The following RPL19 variants were observed in gnomAD, a reference collection of about 807,000 sequenced individuals.
RPL19 encodes ribosomal protein L19.
In RPL19, 2 loss-of-function variants were observed where a neutral mutation model predicts 25.1. The ratio of observed to expected loss-of-function variants is 0.08; its 90% confidence interval spans 0.03 to 0.25. The LOEUF is 0.25. RPL19 is among the 10% of genes least tolerant of loss of function. RPL19 has a pLI of 1.00. For synonymous variants in RPL19, 89 were observed against 91.2 expected, an observed-to-expected ratio of 0.98 and a Z score of 0.14; for missense variants, 123 against 271.8, an observed-to-expected ratio of 0.45 and a Z score of 3.85.
rs753636117 is a variant in RPL19, at chr17:39,202,413, G to A, written c.209G>A (p.Arg70His). The A allele has an allele frequency of 4.5e-5, 72 of 1,614,074 alleles. No individual in the cohort carries two copies. Among genetic ancestry groups the A allele is most frequent in the Non-Finnish European group, 5.8e-5 (69 of 1,180,026 alleles). The change falls in exon 3 of 6, where the codon CGC becomes CAC. Residue 70 changes from arginine (R) to histidine (H), a missense_variant. Coordinates refer to ENST00000225430, the MANE Select transcript of RPL19 (RefSeq NM_000981.4). ...RARCRKNTLA[R>H]RKGRHMGIGK... Reference sequence around the variant, plus strand: ...CGATGCCGGAAAAACACCTTGGCCCGCCGGAAGGGCAGGCACATGGGCATA... The same window carrying A: ...CGATGCCGGAAAAACACCTTGGCCCACCGGAAGGGCAGGCACATGGGCATA...
chr17:39,200,516 A>C, intron 1 of RPL19, 167 bp downstream of exon 1: 6 of 1,171,484 alleles, frequency 5.1e-6, no homozygotes, highest in Non-Finnish European at 3.2e-6. Context: ...CTCCGGAGTG[A>C]GGGGGGGCGG....
chr17:39,204,481 T>G, intron 5 of RPL19, 44 bp from the exon 6 acceptor site: 1 of 1,610,788 alleles, frequency 6.2e-7, no homozygotes, highest in African/African-American at 1.3e-5. Context: ...CCCTAGCATC[T>G]CATCTCTTCC....
chr17:39,204,143 C>T lies in RPL19; in HGVS notation c.423C>T (p.His141=), dbSNP rs11554147. ...VFKNKRILME[H]IHKLKADKAR... is the part of the protein sequence containing the mutation. ...AAAACAAGCGGATTCTCATGGAACACATCCACAAGCTGAAGGCAGACAAGG... is the reference window on the plus strand; with the variant it reads ...AAAACAAGCGGATTCTCATGGAACATATCCACAAGCTGAAGGCAGACAAGG... The change falls in exon 5 of 6, where the codon CAC becomes CAT. Residue 141 remains histidine (H), a synonymous_variant. Coordinates refer to ENST00000225430, the MANE Select transcript of RPL19 (RefSeq NM_000981.4). 1 of 1,613,554 alleles carries T rather than the reference C, an allele frequency of 6.2e-7. No individual in the cohort carries two copies. Among genetic ancestry groups the T allele is most frequent in the South Asian group, 1.1e-5 (1 of 91,076 alleles).
chr17:39,204,272 G>T, intron 5 of RPL19, 85 bp downstream of exon 5: 2 of 937,798 alleles, frequency 2.1e-6, no homozygotes, highest in Non-Finnish European at 3.4e-6. Flanking sequence ...CAATGCCTAA[G>T]TCTTGACTTG....
Position 39,204,258 on chromosome 17 carries a change from G to A in RPL19, c.467+71G>A, listed in dbSNP as rs112991553. On this transcript the variant is annotated intron_variant, in intron 5 of 5. Transcript: ENST00000225430. The stretch of plus-strand genomic sequence containing the variant: ...AGAGTTGTTCTTAGATACTTAAAAT[G>A]TGCCAATGCCTAAGTCTTGACTTGC... The A allele has an allele frequency of 7.3e-5, 75 of 1,023,674 alleles. 2 individuals are homozygous for A. The African/African-American group carries it at 9.0e-4, about 12-fold the overall frequency. 63.4% of individuals were successfully genotyped at this position (1,023,674 alleles called of 1,614,324 possible).
chr17:39,201,416 T>TA (rs1205036020), intron 2 of RPL19, 97 bp downstream of exon 2: 13 of 710,512 alleles, frequency 1.8e-5, no homozygotes, highest in South Asian at 1.2e-4. Context: ...TTTTTTTTTT[T>TA]AGACAGTCTT....
At chr17:39,200,916 T>C (rs1315775846) in intron 1 of RPL19, among the ~76,000 whole-genome samples, 1 of 152,192 alleles carries the variant, frequency 6.6e-6, no homozygotes, top group African/African-American at 2.4e-5. Flanking sequence ...TCGAATATTC[T>C]TTAAACGCTG....
chr17:39,202,978 C>A lies in RPL19; in HGVS notation c.236-11C>A. On this transcript the variant is annotated splice_polypyrimidine_tract_variant and intron_variant, in intron 3 of 5. Transcript: ENST00000225430. The stretch of plus-strand genomic sequence containing the variant: ...GGGTAGTGGCCCGTTCCTAACTCAT[C>A]TTCTCCACAGGTAAGCGGAAGGGTA... The A allele has an allele frequency of 6.2e-7, 1 of 1,613,828 alleles. No individual in the cohort carries two copies. Among genetic ancestry groups the A allele is most frequent in the East Asian group, 2.2e-5 (1 of 44,874 alleles).
At chr17:39,201,551 C>G (rs1381258837) in intron 2 of RPL19, among the ~76,000 whole-genome samples, 1 of 151,894 alleles carries the variant, frequency 6.6e-6, no homozygotes, top group African/African-American at 2.4e-5. Flanking sequence ...CACCACCACA[C>G]CCAGCTAATT....
chr17:39,202,794 C>A, intron 3 of RPL19, 195 bp from the exon 4 acceptor site: 1 of 645,326 alleles, frequency 1.5e-6, no homozygotes, highest in Non-Finnish European at 2.6e-6. Flanking sequence ...TGTATTTGTG[C>A]TTCCTTTAAA....
Position 39,204,073 on chromosome 17 carries a change from G to A in RPL19, c.357-4G>A, listed in dbSNP as rs775437327. 2 of 1,546,758 alleles carry A rather than the reference G, an allele frequency of 1.3e-6. No homozygotes were observed. The highest frequency in any genetic ancestry group is 4.5e-5 in the East Asian group (2 of 44,536). ...AGCATCTCTTCACTCCGTGTACCCT[G>A]CAGGTATCACAGCCTGTACCTGAAG... On this transcript the variant is annotated splice_region_variant and splice_polypyrimidine_tract_variant and intron_variant, in intron 4 of 5. Coordinates refer to ENST00000225430, the MANE Select transcript of RPL19 (RefSeq NM_000981.4).
At position 39,202,264 on chromosome 17, in the gene RPL19, C is replaced by T. The variant is rs1031455785; in HGVS notation, c.113-53C>T. 9.9e-6 allele frequency: 16 copies of T among 1,610,492 alleles called. No individual in the cohort carries two copies. In the African/African-American group the frequency reaches 2.1e-4, roughly 22 times the overall value. On this transcript the variant is annotated intron_variant, in intron 2 of 5. Transcript: ENST00000225430. ...GTCTCTGGCCTGGCCTATTTGGACT[C>T]TGTGATGTGCTTGGGCCCCAGTTGA...
At position 39,201,002 on chromosome 17, in the gene RPL19, C is replaced by G; in HGVS notation, c.6-211C>G. The G allele has an allele frequency of 1.2e-5, 6 of 510,560 alleles. No homozygotes were observed. In the South Asian group the frequency reaches 1.8e-4, roughly 15 times the overall value. The allele number at this position is 510,560 out of a possible 1,614,324, so 31.6% of individuals were successfully genotyped here. ...TGACTTTCCAGAGGAGAAATGCGAA[C>G]ATGAGGCTCCGAGAGGTGAAGGCAT... On this transcript the variant is annotated intron_variant, in intron 1 of 5. Transcript: ENST00000225430.
intron 3 of RPL19, 88 bp downstream of exon 3, chr17:39,202,527 T>C (rs558743940): frequency 6.7e-7 from 1 of 1,500,006 alleles, no homozygotes; most frequent in Admixed American, 1.7e-5. Flanking sequence ...CTGTCTCATC[T>C]TGAGCCTGTT....
At chr17:39,202,777 T>C in intron 3 of RPL19, 1 of 616,650 alleles carries the variant, frequency 1.6e-6, no homozygotes, top group Non-Finnish European at 2.8e-6. Context: ...GAATGGGGAA[T>C]TATTGCTGTA....
At chr17:39,203,150 T>G (rs756755116) in intron 4 of RPL19, 41 bp downstream of exon 4, 1 of 1,557,346 alleles carries the variant, frequency 6.4e-7, no homozygotes, top group East Asian at 2.2e-5. Context: ...TTTGCTGCTT[T>G]GATGGCTAGT....
Position 39,204,647 on chromosome 17 carries a change from A to G in RPL19, c.590A>G (p.Ter197=), listed in dbSNP as rs1448457208. 4 of 1,613,956 alleles carry G rather than the reference A, an allele frequency of 2.5e-6. No homozygotes were observed. The highest frequency in any genetic ancestry group is 1.3e-5 in the African/African-American group (1 of 75,022). Residue 197 remains the stop codon, a stop_retained_variant, in exon 6 of 6, where the codon TAA becomes TGA. Transcript: ENST00000225430. ...TLSKEEETKK[*] Reference sequence around the variant, plus strand: ...TCCAAGGAGGAAGAGACCAAGAAATAAAACCTCCCACTTTGTCTGTACATA... The same window carrying G: ...TCCAAGGAGGAAGAGACCAAGAAATGAAACCTCCCACTTTGTCTGTACATA...
Position 39,200,342 on chromosome 17 carries a change from G to C in RPL19, c.-3G>C, listed in dbSNP as rs774998603. The C allele has an allele frequency of 3.6e-5, 57 of 1,565,254 alleles. No homozygotes were observed. The highest frequency in any genetic ancestry group is 2.2e-4 in the Middle Eastern group (1 of 4,582). ...CTTTCCTTTCGCTGCTGCGGCCGCA[G>C]CCATGAGGTGAGGGCGAGCTGGTCT... On this transcript the variant is annotated 5_prime_UTR_variant, in exon 1 of 6. Coordinates refer to ENST00000225430, the MANE Select transcript of RPL19 (RefSeq NM_000981.4).
At chr17:39,202,476 T>A (rs1473366327) in intron 3 of RPL19, 37 bp downstream of exon 3, 4 of 1,611,778 alleles carry the variant, frequency 2.5e-6, no homozygotes, top group African/African-American at 1.3e-5. Context: ...AAATGATAGG[T>A]GCTGGCATCT....
Sources: allele counts gnomAD v4.1 joint callset (sites outside exome capture counted in the v4.1 genomes callset), GRCh38; gene constraint gnomAD v4.1.1; transcripts MANE v1.5; gene names NCBI Gene and HGNC (gene_info 2026-07-23, HGNC 2026-07-21).